PLAG1: variants seen among roughly 807,000 people sequenced by gnomAD.
PLAG1 encodes the protein PLAG1 zinc finger, also known as zinc finger protein PLAG1.
Under a neutral mutation model 35.5 loss-of-function variants are expected in PLAG1, and 7 were observed. The ratio of observed to expected loss-of-function variants is 0.20; its 90% confidence interval spans 0.11 to 0.37. PLAG1 has a LOEUF of 0.37. Ranked by LOEUF, PLAG1 falls within the 10% of genes least tolerant of loss-of-function variation. The pLI is 1.00. For missense variants in PLAG1, 454 were observed against 602.8 expected (o/e 0.75, Z 2.58); for synonymous variants, 229 against 225.4 (o/e 1.02, Z -0.14).
At position 56,179,954 on chromosome 8, in the gene PLAG1, C is replaced by T. The variant is rs374315470; in HGVS notation, c.-321-441G>A. 5.3e-5 allele frequency among the ~76,000 whole-genome samples: 8 copies of T among 152,006 alleles called. No homozygotes were observed. The East Asian group carries it at 9.7e-4, about 18-fold the overall frequency. ...CTCAGTCAGAGACCAGGCCACCTGT[C>T]CACAGAGAAGGGTGCAAGCCACTGA... On this transcript the variant is annotated intron_variant, in intron 1 of 4. Transcript: ENST00000316981.
intron 1 of PLAG1, among the ~76,000 whole-genome samples, chr8:56,210,067 C>T (rs1812820337): frequency 6.6e-6 from 1 of 152,204 alleles, no homozygotes; most frequent in African/African-American, 2.4e-5. Flanking sequence ...TCCCCCCTCG[C>T]TCCCCCTGCT....
rs1585772205 is a variant in PLAG1, at chr8:56,165,463, C to T, written c.*780G>A. The T allele has an allele frequency of 9.3e-6, 2 of 214,252 alleles. No individual in the cohort carries two copies. The highest frequency in any genetic ancestry group is 4.5e-5 in the African/African-American group (2 of 44,246). The allele number at this position is 214,252 out of a possible 1,614,324, so 13.3% of individuals were successfully genotyped here. The stretch of plus-strand genomic sequence containing the variant: ...ACTCTGAAGACCCCAATGCCATACA[C>T]TATTACTATTATTAAATGAAAAGAT... On this transcript the variant is annotated 3_prime_UTR_variant, in exon 5 of 5. Transcript: ENST00000316981.
At chr8:56,201,958 C>A (rs1254483560) in intron 1 of PLAG1, among the ~76,000 whole-genome samples, 2 of 141,192 alleles carry the variant, frequency 1.4e-5, no homozygotes, top group Non-Finnish European at 3.1e-5. Context: ...TCTTTTTGGG[C>A]TCTTTTTTTT....
rs1334665006 is a variant in PLAG1 at position 56,167,484 on chromosome 8, G to C, written c.262C>G (p.Pro88Ala). ...TAATTACACTTGTGGGTTTTCTCAG[G>C]AGAATGAGTAGCCATGTGCCTTTAA... ...KLQRHMATHS[P>A]EKTHKCNYCE... Residue 88 changes from proline to alanine, a missense_variant, in exon 5 of 5, where the codon CCT becomes GCT. By Grantham distance (27) the Pro-to-Ala change is conservative. This residue lies in a region of PLAG1 where 170 missense variants were observed against 226.3 expected (regional missense o/e 0.75). Transcript: ENST00000316981. The surrounding 1 kb of genome is among the most constrained non-coding windows in gnomAD (Gnocchi z 5.9). 8 of 1,608,988 alleles carry C rather than the reference G, an allele frequency of 5.0e-6. No homozygotes were observed. Among genetic ancestry groups the C allele is most frequent in the Non-Finnish European group, 6.8e-6 (8 of 1,176,694 alleles).
intron 1 of PLAG1, among the ~76,000 whole-genome samples, chr8:56,186,681 T>C (rs1373769522): frequency 1.4e-5 from 2 of 140,944 alleles, no homozygotes; most frequent in South Asian, 4.5e-4. Flanking sequence ...CTGGTTAGCA[T>C]TAAAAAAAAA....
intron 1 of PLAG1, among the ~76,000 whole-genome samples, chr8:56,205,179 GT>G (rs1365859997): frequency 6.6e-6 from 1 of 151,742 alleles, no homozygotes; most frequent in East Asian, 1.9e-4. Flanking sequence ...TTAGACTGAG[GT>G]TTTAAAATTT....
chr8:56,161,362 G>A lies in PLAG1; in HGVS notation c.*4881C>T, dbSNP rs1811193907. The stretch of plus-strand genomic sequence containing the variant: ...AAACTTTATCATTAGAACATTTTTA[G>A]AGTACTAGTCCAAACACTTTTTCAT... On this transcript the variant is annotated 3_prime_UTR_variant, in exon 5 of 5. Coordinates refer to ENST00000316981, the MANE Select transcript of PLAG1 (RefSeq NM_002655.3). 1 of 214,572 alleles carries A rather than the reference G, an allele frequency of 4.7e-6. No homozygotes were observed. The highest frequency in any genetic ancestry group is 9.4e-6 in the Non-Finnish European group (1 of 106,152). 13.3% of individuals were successfully genotyped at this position (214,572 alleles called of 1,614,324 possible).
Position 56,164,698 on chromosome 8 carries a change from T to C in PLAG1, c.*1545A>G. 4.6e-6 allele frequency: 1 copy of C among 218,534 alleles called. No individual in the cohort carries two copies. Among genetic ancestry groups the C allele is most frequent in the Non-Finnish European group, 9.2e-6 (1 of 108,530 alleles). The allele number at this position is 218,534 out of a possible 1,614,324, so 13.5% of individuals were successfully genotyped here. A position where few individuals can be genotyped will look rare whatever the true frequency, so the allele number is the denominator to read the frequency against. On this transcript the variant is annotated 3_prime_UTR_variant, in exon 5 of 5. Transcript: ENST00000316981. The stretch of plus-strand genomic sequence containing the variant: ...CTTAGGTTAATGTCCCAACTGACCC[T>C]TAGAAAAATATATTAATTAGACCTT...
At chr8:56,192,276 C>A (rs1812206722) in intron 1 of PLAG1, among the ~76,000 whole-genome samples, 2 of 152,190 alleles carry the variant, frequency 1.3e-5, no homozygotes, top group Non-Finnish European at 2.9e-5. Flanking sequence ...TCATTTTACA[C>A]CTAAGCATTT....
chr8:56,180,718 T>C (rs1324833813), intron 1 of PLAG1, among the ~76,000 whole-genome samples: 1 of 152,206 alleles, frequency 6.6e-6, no homozygotes, highest in East Asian at 1.9e-4. Flanking sequence ...ATTTATTAAA[T>C]AGGGAATCCT....
At chr8:56,178,076 C>CCTGTAT in intron 2 of PLAG1, 23 of 849,514 alleles carry the variant, frequency 2.7e-5, no homozygotes, top group Non-Finnish European at 3.0e-5. Flanking sequence ...GCACATGGAA[C>CCTGTAT]TACAGGTTGA....
chr8:56,181,100 T>C (rs1321874133), intron 1 of PLAG1, among the ~76,000 whole-genome samples: 1 of 152,170 alleles, frequency 6.6e-6, no homozygotes, highest in African/African-American at 2.4e-5. Context: ...GAAATAGGAA[T>C]GCTTTTACAC....
intron 1 of PLAG1, among the ~76,000 whole-genome samples, chr8:56,184,574 A>G (rs1414129800): frequency 6.6e-6 from 1 of 152,172 alleles, no homozygotes; most frequent in Non-Finnish European, 1.5e-5. Flanking sequence ...AACTAGATGC[A>G]ACCCGAAGGT....
At chr8:56,208,332 C>A (rs1442700253) in intron 1 of PLAG1, among the ~76,000 whole-genome samples, 1 of 152,108 alleles carries the variant, frequency 6.6e-6, no homozygotes, top group Admixed American at 6.5e-5. Flanking sequence ...TAGCTTAATC[C>A]TTTTCCAATC....
At chr8:56,208,452 T>C (rs7008832) in intron 1 of PLAG1, among the ~76,000 whole-genome samples, 9,897 of 152,238 alleles carry the variant, frequency 0.065, 1,073 homozygotes, top group African/African-American at 0.22. Context: ...AACACGTTAC[T>C]GATGTGATGT....
chr8:56,180,749 T>C (rs1811840815), intron 1 of PLAG1, among the ~76,000 whole-genome samples: 1 of 152,182 alleles, frequency 6.6e-6, no homozygotes, highest in African/African-American at 2.4e-5. Flanking sequence ...CTTATTTTTG[T>C]CAGGTTTATC....
chr8:56,181,449 C>T (rs1221039953), intron 1 of PLAG1, among the ~76,000 whole-genome samples: 1 of 152,094 alleles, frequency 6.6e-6, no homozygotes, highest in African/African-American at 2.4e-5. Context: ...CCATCATTCT[C>T]AGCAAACTAC....
intron 1 of PLAG1, among the ~76,000 whole-genome samples, chr8:56,204,378 A>G (rs1370462110): frequency 6.6e-6 from 1 of 151,864 alleles, no homozygotes; most frequent in Non-Finnish European, 1.5e-5. Flanking sequence ...TTATTTTGAA[A>G]CTGTACACTT....
intron 1 of PLAG1, among the ~76,000 whole-genome samples, chr8:56,197,707 G>A (rs1245319491): frequency 6.6e-6 from 1 of 152,166 alleles, no homozygotes; most frequent in Admixed American, 6.5e-5. Context: ...TGGGTATTCT[G>A]GGGGGTGTGC....
Sources: gnomAD v4.1 joint callset for allele counts (sites outside exome capture counted in the v4.1 genomes callset) on GRCh38, gnomAD v4.1.1 for gene constraint, gnomAD v4.1.1 regional missense constraint, Gnocchi (gnomAD v3.1) non-coding constraint, MANE v1.5 for transcripts, NCBI Gene and HGNC (gene_info 2026-07-23, HGNC 2026-07-21) for gene names.